Variants in CPVL observed in about 807,000 individuals in gnomAD.
The protein encoded by CPVL is carboxypeptidase vitellogenic like, also known as probable serine carboxypeptidase CPVL.
CPVL carries 51 observed loss-of-function variants against 63.7 expected under a neutral mutation model. The observed-to-expected ratio is 0.80, with a 90% confidence interval of 0.64 to 1.01. The LOEUF is 1.01. CPVL is among the 50% of genes least tolerant of loss of function. The pLI, the probability that CPVL is intolerant of heterozygous loss-of-function variation, is 0.00. For missense variants in CPVL, 530 were observed against 573.1 expected (o/e 0.92, Z 0.77); for synonymous variants, 195 against 206.0 (o/e 0.95, Z 0.46).
intron 5 of CPVL, among the ~76,000 whole-genome samples, chr7:29,161,889 A>C (rs1243869519): frequency 6.6e-6 from 1 of 152,270 alleles, no homozygotes. Flanking sequence ...TCACTAAAGA[A>C]GATAGACAGT....
chr7:29,011,765 T>C (rs1489233768), intron 12 of CPVL: 1 of 152,228 alleles, frequency 6.6e-6, no homozygotes, highest in Non-Finnish European at 1.5e-5. Context: ...GCACATTCAG[T>C]AGGAGAAACC....
intron 7 of CPVL, chr7:29,080,208 G>A (rs141412369): frequency 7.9e-5 from 12 of 152,054 alleles, no homozygotes; most frequent in African/African-American, 2.4e-4. Flanking sequence ...CCTATGACAC[G>A]TGTTTGTCTA....
chr7:29,044,333 C>T (rs950398744), intron 11 of CPVL, among the ~76,000 whole-genome samples: 2 of 152,182 alleles, frequency 1.3e-5, no homozygotes, highest in Admixed American at 1.3e-4. Flanking sequence ...ATGAGAATCA[C>T]TTGAACCCGG....
At chr7:29,120,237 C>G (rs977017694) in intron 2 of CPVL, among the ~76,000 whole-genome samples, 14 of 152,106 alleles carry the variant, frequency 9.2e-5, no homozygotes, top group African/African-American at 3.4e-4. Flanking sequence ...GCCTGGCCAA[C>G]ATGGTGAAAC....
chr7:29,064,264 G>C lies in CPVL; in HGVS notation c.964-30C>G, dbSNP rs149133913. 181 of 1,415,738 alleles carry C rather than the reference G, an allele frequency of 1.3e-4. 1 individual carries two copies. The East Asian group carries it at 4.0e-3, about 31-fold the overall frequency. 87.7% of individuals were successfully genotyped at this position (1,415,738 alleles called of 1,614,324 possible). The stretch of plus-strand genomic sequence containing the variant: ...CAGAAGGGGCATTGGAAAGACATAG[G>C]GAACATGATTGGTGGCAGGAACAGT... On this transcript the variant is annotated intron_variant, in intron 10 of 12. Transcript: ENST00000265394.
At chr7:29,160,702 T>C (rs1795056358) in intron 5 of CPVL, among the ~76,000 whole-genome samples, 1 of 152,166 alleles carries the variant, frequency 6.6e-6, no homozygotes, top group South Asian at 2.1e-4. Context: ...GGTAGCCATC[T>C]TGTGACCATG....
intron 1 of CPVL, among the ~76,000 whole-genome samples, chr7:29,134,384 T>C (rs1182007511): frequency 6.6e-6 from 1 of 152,224 alleles, no homozygotes; most frequent in Non-Finnish European, 1.5e-5. Flanking sequence ...AGCAATTTAG[T>C]TTCTCACACT....
At chr7:29,071,543 C>T (rs774181317) in intron 9 of CPVL, among the ~76,000 whole-genome samples, 2 of 152,218 alleles carry the variant, frequency 1.3e-5, no homozygotes, top group Non-Finnish European at 2.9e-5. Flanking sequence ...TAGATAAACA[C>T]TCCAAGATGA....
At chr7:29,031,161 C>G (rs1055219919) in intron 11 of CPVL, among the ~76,000 whole-genome samples, 1 of 152,196 alleles carries the variant, frequency 6.6e-6, no homozygotes, top group Admixed American at 6.5e-5. Flanking sequence ...CAGTCGCTGG[C>G]AAGCTGAGCT....
chr7:29,129,387 T>C (rs1347446316), intron 1 of CPVL, among the ~76,000 whole-genome samples: 1 of 152,212 alleles, frequency 6.6e-6, no homozygotes, highest in South Asian at 2.1e-4. Context: ...TTCTATCTCC[T>C]AGTACCTCAG....
intron 2 of CPVL, among the ~76,000 whole-genome samples, chr7:29,118,141 C>T (rs773535936): frequency 1.3e-5 from 2 of 152,190 alleles, no homozygotes; most frequent in Non-Finnish European, 2.9e-5. Flanking sequence ...AATCACAGAG[C>T]AGAAGTCAGA....
At chr7:29,122,070 A>G (rs1471933280) in intron 1 of CPVL, among the ~76,000 whole-genome samples, 1 of 152,192 alleles carries the variant, frequency 6.6e-6, no homozygotes, top group African/African-American at 2.4e-5. Context: ...TCAATATGTA[A>G]ATTATATTTA....
In CPVL at chr7:29,030,749, T is replaced by C. The variant is rs375729583; in HGVS notation, c.1148A>G (p.Tyr383Cys). ...CACGATGATGTCCAGTTGGCCATTGTAGATCAGAACCTGAAATGAAATCAA... is the reference window on the plus strand; with the variant it reads ...CACGATGATGTCCAGTTGGCCATTGCAGATCAGAACCTGAAATGAAATCAA... ...EIMNNYKVLIYNGQLDIIVAA... is the reference protein window; with the variant it reads ...EIMNNYKVLICNGQLDIIVAA... Residue 383 changes from tyrosine (Y) to cysteine (C), a missense_variant, in exon 12 of 13, where the codon TAC becomes TGC. Transcript: ENST00000265394. 13 of 1,606,196 alleles carry C rather than the reference T, an allele frequency of 8.1e-6. No homozygotes were observed. In the African/African-American group the frequency reaches 1.2e-4, roughly 15 times the overall value.
intron 12 of CPVL, among the ~76,000 whole-genome samples, chr7:29,022,386 G>A (rs530474633): frequency 6.6e-6 from 1 of 152,210 alleles, no homozygotes; most frequent in Non-Finnish European, 1.5e-5. Context: ...TCATCAAAGT[G>A]CCTAAAGATA....
In CPVL at chr7:29,123,258, A is replaced by G. The variant is rs1453949470; in HGVS notation, c.-10-2187T>C. Among the ~76,000 whole-genome samples the G allele has an allele frequency of 1.3e-5, 2 of 152,114 alleles. 1 individual carries two copies. The highest frequency in any genetic ancestry group is 3.9e-4 in the East Asian group (2 of 5,190). ...AAAAGCTTTTCAGGCACATTTCCCC[A>G]GTAAGATAAAGGTTTATAATTATAA... On this transcript the variant is annotated intron_variant, in intron 1 of 12. Coordinates refer to ENST00000265394, the MANE Select transcript of CPVL (RefSeq NM_031311.5).
chr7:29,067,719 T>A (rs2065887299), intron 9 of CPVL, among the ~76,000 whole-genome samples: 1 of 152,194 alleles, frequency 6.6e-6, no homozygotes, highest in South Asian at 2.1e-4. Flanking sequence ...AGTCAGCACA[T>A]GTTAAAAACA....
At chr7:29,108,985 G>C (rs1039410781) in intron 3 of CPVL, among the ~76,000 whole-genome samples, 1 of 152,152 alleles carries the variant, frequency 6.6e-6, no homozygotes, top group Non-Finnish European at 1.5e-5. Flanking sequence ...CCAATTTCTA[G>C]TTGAGTAACT....
intron 11 of CPVL, among the ~76,000 whole-genome samples, chr7:29,040,562 G>A (rs1788968141): frequency 6.6e-6 from 1 of 152,122 alleles, no homozygotes; most frequent in Non-Finnish European, 1.5e-5. Context: ...TAGAAAAATT[G>A]AATGAAACAG....
intron 12 of CPVL, among the ~76,000 whole-genome samples, chr7:29,020,625 T>C (rs1014519298): frequency 2.6e-5 from 4 of 152,098 alleles, no homozygotes; most frequent in Admixed American, 6.6e-5. Context: ...ATTTCTCCCA[T>C]TGGATGCATA....
Sources: gnomAD v4.1 joint callset for allele counts (sites outside exome capture counted in the v4.1 genomes callset) on GRCh38, gnomAD v4.1.1 for gene constraint, MANE v1.5 for transcripts, NCBI Gene and HGNC (gene_info 2026-07-23, HGNC 2026-07-21) for gene names.